The following NR3C2 variants were observed in gnomAD, a reference collection of about 807,000 sequenced individuals.
The protein encoded by NR3C2 is nuclear receptor subfamily 3 group C member 2.
A neutral mutation model predicts 86.4 loss-of-function variants in NR3C2; 15 were observed. The ratio of observed to expected loss-of-function variants is 0.17; its 90% CI spans 0.12 to 0.27. NR3C2 has a LOEUF of 0.27. Among genes scored for constraint, NR3C2 ranks in the 10% least tolerant of loss-of-function variants. The probability of loss-of-function intolerance (pLI) is 1.00; values close to 1 mark genes in which losing one functional copy is unlikely to be tolerated. For synonymous variants in NR3C2, 458 were observed against 450.5 expected (o/e 1.02, Z -0.21); for missense variants, 960 against 1,195.6 (o/e 0.80, Z 2.91).
intron 6 of NR3C2, among the ~76,000 whole-genome samples, chr4:148,121,227 C>T (rs1732491670): frequency 6.6e-6 from 1 of 152,160 alleles, no homozygotes; most frequent in Non-Finnish European, 1.5e-5. Context: ...TGAAAGCAGG[C>T]AGCGTCTGCA....
chr4:148,426,394 C>G (rs1269926367), intron 2 of NR3C2, among the ~76,000 whole-genome samples: 1 of 152,150 alleles, frequency 6.6e-6, no homozygotes. Context: ...GACAAAAAGG[C>G]AGGATTCTAT....
chr4:148,318,114 G>T (rs575240687), intron 2 of NR3C2, among the ~76,000 whole-genome samples: 1 of 149,206 alleles, frequency 6.7e-6, no homozygotes, highest in East Asian at 2.0e-4. Flanking sequence ...CTATGAGTGA[G>T]AATATGCGGT....
intron 2 of NR3C2, among the ~76,000 whole-genome samples, chr4:148,427,695 GA>G (rs1297807610): frequency 5.9e-5 from 9 of 152,116 alleles, no homozygotes; most frequent in Non-Finnish European, 1.3e-4. Context: ...TCAGAAAGAG[GA>G]AAAGTGTCTT....
upstream of NR3C2, chr4:148,444,825 G>A: frequency 1.0e-6 from 1 of 984,992 alleles, no homozygotes; most frequent in South Asian, 4.7e-5. Flanking sequence ...GGGGCTGCGC[G>A]TCCGCTCGGC....
chr4:148,191,546 A>G (rs1736195618), intron 4 of NR3C2, among the ~76,000 whole-genome samples: 1 of 152,138 alleles, frequency 6.6e-6, no homozygotes. Flanking sequence ...AAGACCGGGG[A>G]AGTTTTTCTC....
chr4:148,081,309 A>G lies in NR3C2; in HGVS notation c.*35T>C, dbSNP rs943337487. The G allele has an allele frequency of 1.9e-6, 3 of 1,614,132 alleles. No individual in the cohort carries two copies. Among genetic ancestry groups the G allele is most frequent in the Middle Eastern group, 1.6e-4 (1 of 6,062 alleles). Reference sequence around the variant, plus strand: ...CTTCTGGGTGTGGAACAACACAGGGAAACTTAAGGCAAAGTTCTTCTGGGC... The same window carrying G: ...CTTCTGGGTGTGGAACAACACAGGGGAACTTAAGGCAAAGTTCTTCTGGGC... On this transcript the variant is annotated 3_prime_UTR_variant, in exon 9 of 9. Transcript: ENST00000358102.
At chr4:148,191,966 C>T (rs538615447) in intron 4 of NR3C2, among the ~76,000 whole-genome samples, 1 of 152,124 alleles carries the variant, frequency 6.6e-6, no homozygotes, top group Non-Finnish European at 1.5e-5. Context: ...GAATAACTAA[C>T]CTCTTGAATT....
At chr4:148,156,849 T>G (rs1190556151) in intron 4 of NR3C2, among the ~76,000 whole-genome samples, 2 of 152,106 alleles carry the variant, frequency 1.3e-5, no homozygotes, top group African/African-American at 4.8e-5. Context: ...TAAAGACACA[T>G]GCACACGTAT....
chr4:148,232,770 C>T lies in NR3C2; in HGVS notation c.1897+27208G>A, dbSNP rs1579046190. On this transcript the variant is annotated intron_variant, in intron 3 of 8. Transcript: ENST00000358102. ...TATTGTTTAGTGTAGCCACCTTCAT[C>T]AATTATCTTAGCTCAATCTTCTGGA... Among the ~76,000 whole-genome samples the T allele has an allele frequency of 2.6e-5, 4 of 152,336 alleles. No individual in the cohort carries two copies. In the South Asian group the frequency reaches 8.3e-4, roughly 32 times the overall value.
chr4:148,123,681 C>T (rs935673845), intron 6 of NR3C2, among the ~76,000 whole-genome samples: 2 of 152,226 alleles, frequency 1.3e-5, no homozygotes, highest in African/African-American at 4.8e-5. Flanking sequence ...ATAGAAAGAA[C>T]CTACATTGAA....
intron 3 of NR3C2, among the ~76,000 whole-genome samples, chr4:148,248,698 C>T (rs1739433632): frequency 6.6e-6 from 1 of 152,098 alleles, no homozygotes; most frequent in Non-Finnish European, 1.5e-5. Context: ...AGTAAACACT[C>T]CAGGTCTTCC....
chr4:148,301,828 T>C (rs1213034088), intron 2 of NR3C2, among the ~76,000 whole-genome samples: 1 of 152,186 alleles, frequency 6.6e-6, no homozygotes, highest in African/African-American at 2.4e-5. Context: ...CGGAGCACCA[T>C]GAAGAAAAGT....
intron 2 of NR3C2, among the ~76,000 whole-genome samples, chr4:148,413,067 A>G (rs1224493184): frequency 1.3e-5 from 2 of 152,196 alleles, no homozygotes; most frequent in African/African-American, 2.4e-5. Context: ...CACAAGCATA[A>G]TATTTTCATA....
intron 2 of NR3C2, among the ~76,000 whole-genome samples, chr4:148,371,531 C>T (rs1746421076): frequency 6.6e-6 from 1 of 151,912 alleles, no homozygotes; most frequent in African/African-American, 2.4e-5. Context: ...ATAACCATAT[C>T]CCATGTTATT....
chr4:148,288,035 T>G (rs959180505), intron 2 of NR3C2, among the ~76,000 whole-genome samples: 1 of 152,154 alleles, frequency 6.6e-6, no homozygotes, highest in Non-Finnish European at 1.5e-5. Context: ...TTCCATAAAA[T>G]CATTTCCATA....
At chr4:148,308,804 G>A (rs558788745) in intron 2 of NR3C2, among the ~76,000 whole-genome samples, 516 of 152,088 alleles carry the variant, frequency 3.4e-3, no homozygotes, top group Non-Finnish European at 4.2e-3. Flanking sequence ...TGAGCAACAC[G>A]GTAAAACCCC....
chr4:148,444,585 CGCCGCT>C, upstream of NR3C2: 1 of 988,326 alleles, frequency 1.0e-6, no homozygotes, highest in Non-Finnish European at 1.2e-6. Context: ...AGACTCCCGC[CGCCGCT>C]GCTGCCGCCG....
intron 2 of NR3C2, among the ~76,000 whole-genome samples, chr4:148,404,647 A>T (rs1236556305): frequency 6.6e-6 from 1 of 152,188 alleles, no homozygotes; most frequent in African/African-American, 2.4e-5. Flanking sequence ...CAAACTAATA[A>T]ACATGGATCT....
intron 4 of NR3C2, among the ~76,000 whole-genome samples, chr4:148,176,928 G>A (rs1294188474): frequency 2.0e-5 from 3 of 152,120 alleles, no homozygotes; most frequent in Non-Finnish European, 4.4e-5. Context: ...TTTCACATTA[G>A]TACGCTGAAG....
Sources: gnomAD v4.1 joint callset for allele counts (sites outside exome capture counted in the v4.1 genomes callset) on GRCh38, gnomAD v4.1.1 for gene constraint, MANE v1.5 for transcripts, NCBI Gene and HGNC (gene_info 2026-07-23, HGNC 2026-07-21) for gene names.